Variants in PVT1 observed in about 807,000 individuals in gnomAD.
PVT1 encodes the protein CXCR4/PVT1 fusion.
chr8:127,921,854 G>GTTTTTTTTTTTTTTTTTTTTTTTTTTT (rs71300279), intron 3 of PVT1, among the ~76,000 whole-genome samples: 4 of 71,924 alleles, frequency 5.6e-5, no homozygotes, highest in African/African-American at 1.8e-4. Flanking sequence ...TTTGGTTCAT[G>GTTTTTTTTTTTTTTTTTTTTTTTTTTT]TTTTTTTTTT....
intron 3 of PVT1, among the ~76,000 whole-genome samples, chr8:127,906,476 A>G (rs1815821227): frequency 6.6e-6 from 1 of 152,168 alleles, no homozygotes; most frequent in Non-Finnish European, 1.5e-5. Flanking sequence ...ACCGAAGATA[A>G]TGGTAAAAGG....
intron 4 of PVT1, among the ~76,000 whole-genome samples, chr8:128,039,025 C>A (rs534509904): frequency 6.6e-6 from 1 of 152,152 alleles, no homozygotes; most frequent in Non-Finnish European, 1.5e-5. Context: ...AGGGGAGGGA[C>A]GGATCAGCTC....
intron 2 of PVT1, among the ~76,000 whole-genome samples, chr8:127,844,247 A>T (rs1391508575): frequency 6.6e-6 from 1 of 152,132 alleles, no homozygotes; most frequent in Non-Finnish European, 1.5e-5. Context: ...GTCTCTTTGC[A>T]TGAGTTAGCA....
At chr8:127,799,257 C>T (rs140920282) in intron 2 of PVT1, among the ~76,000 whole-genome samples, 1 of 151,914 alleles carries the variant, frequency 6.6e-6, no homozygotes, top group African/African-American at 2.4e-5. Context: ...AATCAGGTGG[C>T]TGTCAAGAGC....
At chr8:128,084,739 A>T (rs1373659831) in intron 5 of PVT1, among the ~76,000 whole-genome samples, 1 of 152,216 alleles carries the variant, frequency 6.6e-6, no homozygotes, top group East Asian at 1.9e-4. Context: ...CCCTGAAACC[A>T]CTTCCCAGAA....
At chr8:128,022,628 G>T (rs912999920) in intron 4 of PVT1, among the ~76,000 whole-genome samples, 1 of 152,172 alleles carries the variant, frequency 6.6e-6, no homozygotes, top group Non-Finnish European at 1.5e-5. Context: ...ATATCTGATG[G>T]CAGCAGCATG....
intron 2 of PVT1, among the ~76,000 whole-genome samples, chr8:127,818,359 A>C (rs184972822): frequency 2.0e-5 from 3 of 152,140 alleles, no homozygotes; most frequent in African/African-American, 7.2e-5. Flanking sequence ...GTGAGGAATC[A>C]ATAGCTGTTA....
At chr8:127,816,161 T>C (rs1335906245) in intron 2 of PVT1, among the ~76,000 whole-genome samples, 1 of 152,074 alleles carries the variant, frequency 6.6e-6, no homozygotes, top group South Asian at 2.1e-4. Flanking sequence ...TACAGGCCAG[T>C]TGGGAGGCAT....
intron 2 of PVT1, among the ~76,000 whole-genome samples, chr8:127,860,101 T>TGC (rs1445052134): frequency 1.8e-4 from 27 of 152,296 alleles, no homozygotes; most frequent in African/African-American, 6.3e-4. Context: ...ACGGTGTGTG[T>TGC]GCCTCTGGGC....
At chr8:127,993,596 T>C (rs1563660092) in intron 4 of PVT1, among the ~76,000 whole-genome samples, 1 of 152,264 alleles carries the variant, frequency 6.6e-6, no homozygotes, top group Non-Finnish European at 1.5e-5. Flanking sequence ...TCTTGTTCTC[T>C]GTCTGCTTCC....
chr8:128,045,046 G>A (rs193286542), intron 4 of PVT1, among the ~76,000 whole-genome samples: 78 of 152,328 alleles, frequency 5.1e-4, no homozygotes, highest in Non-Finnish European at 1.0e-3. Context: ...CATGCTTCCT[G>A]GAGTCTTATC....
chr8:127,810,341 T>A (rs995393571), intron 2 of PVT1, among the ~76,000 whole-genome samples: 3 of 152,266 alleles, frequency 2.0e-5, no homozygotes, highest in Non-Finnish European at 4.4e-5. Context: ...CTCCCTCCTG[T>A]AAGCGAGCTT....
At chr8:127,978,465 T>G (rs1350769907) in intron 3 of PVT1, among the ~76,000 whole-genome samples, 1 of 151,606 alleles carries the variant, frequency 6.6e-6, no homozygotes. Flanking sequence ...TTGTCATGTT[T>G]TTGTTTATTA....
At chr8:127,945,969 G>A (rs956944111) in intron 3 of PVT1, among the ~76,000 whole-genome samples, 1 of 152,188 alleles carries the variant, frequency 6.6e-6, no homozygotes, top group Non-Finnish European at 1.5e-5. Flanking sequence ...AAAGCTACCA[G>A]CCTCGCTGCG....
At chr8:128,021,800 C>A (rs1817442116) in intron 4 of PVT1, among the ~76,000 whole-genome samples, 1 of 152,150 alleles carries the variant, frequency 6.6e-6, no homozygotes, top group African/African-American at 2.4e-5. Flanking sequence ...GCAGGGAGGT[C>A]TTCAGTGTCC....
chr8:127,832,651 G>A (rs1330646051), intron 2 of PVT1, among the ~76,000 whole-genome samples: 2 of 152,214 alleles, frequency 1.3e-5, no homozygotes, highest in Non-Finnish European at 1.5e-5. Context: ...GAGGTCAGGA[G>A]ATAGAGACCA....
chr8:128,027,128 T>C (rs1813308886), intron 4 of PVT1, among the ~76,000 whole-genome samples: 1 of 152,216 alleles, frequency 6.6e-6, no homozygotes, highest in African/African-American at 2.4e-5. Flanking sequence ...GGTTGTGACC[T>C]TCTCTTTGGT....
intron 5 of PVT1, among the ~76,000 whole-genome samples, chr8:128,071,190 G>C (rs1010889912): frequency 6.6e-6 from 1 of 152,272 alleles, no homozygotes; most frequent in Non-Finnish European, 1.5e-5. Context: ...GGTTCTGCGT[G>C]ACAGAAATCA....
chr8:127,932,550 G>A (rs1033642368), intron 3 of PVT1: 15 of 398,458 alleles, frequency 3.8e-5, no homozygotes, highest in African/African-American at 2.7e-4. Flanking sequence ...CTGTGGCTGA[G>A]TCCCAGCCTG....
Sources: gnomAD v4.1 joint callset for allele counts (sites outside exome capture counted in the v4.1 genomes callset) on GRCh38, gnomAD v4.1.1 for gene constraint, MANE v1.5 for transcripts, NCBI Gene and HGNC (gene_info 2026-07-23, HGNC 2026-07-21) for gene names.